The following ARHGAP21 variants were observed in gnomAD, a reference collection of about 807,000 sequenced individuals.
ARHGAP21 encodes Rho GTPase activating protein 21.
A neutral mutation model predicts 164.6 loss-of-function variants in ARHGAP21; 38 were observed. The ratio of observed to expected loss-of-function variants is 0.23; its 90% CI spans 0.18 to 0.30. The LOEUF (loss-of-function observed/expected upper bound fraction) is 0.30, where lower values mean the gene tolerates loss of function less well. Among genes scored for constraint, ARHGAP21 ranks in the 10% least tolerant of loss-of-function variants. ARHGAP21 has a pLI of 1.00. For missense variants in ARHGAP21, 1,822 were observed against 2,370.7 expected (o/e 0.77, Z 4.81); for synonymous variants, 766 against 857.9 (o/e 0.89, Z 1.87).
At chr10:24,664,428 G>T (rs1489357943) in intron 4 of ARHGAP21, among the ~76,000 whole-genome samples, 2 of 151,700 alleles carry the variant, frequency 1.3e-5, no homozygotes, top group Non-Finnish European at 2.9e-5. Flanking sequence ...GGTGGCGTGC[G>T]CTTTTAGTCC....
intron 6 of ARHGAP21, among the ~76,000 whole-genome samples, chr10:24,631,074 G>C (rs944889211): frequency 4.6e-5 from 7 of 152,168 alleles, no homozygotes; most frequent in African/African-American, 1.7e-4. Flanking sequence ...CTGTGATCTG[G>C]AGGTACATAC....
rs775577663 is a variant in ARHGAP21, at chr10:24,630,080, G to A, written c.441-30C>T. 6 of 1,277,340 alleles carry A rather than the reference G, an allele frequency of 4.7e-6. No individual in the cohort carries two copies. The East Asian group carries it at 9.7e-5, about 21-fold the overall frequency. 79.1% of individuals were successfully genotyped at this position (1,277,340 alleles called of 1,614,324 possible). On this transcript the variant is annotated intron_variant, in intron 6 of 25. Coordinates refer to ENST00000396432, the MANE Select transcript of ARHGAP21 (RefSeq NM_020824.4). ...AATTGAATTATATACTATTTTAGGA[G>A]AGGTAGAAGTGTATAAAAAAAGACT...
chr10:24,711,967 G>A (rs969729689), intron 2 of ARHGAP21, among the ~76,000 whole-genome samples: 3 of 151,962 alleles, frequency 2.0e-5, no homozygotes, highest in Non-Finnish European at 4.4e-5. Flanking sequence ...AGTCTGGAGT[G>A]CAGTGGCTCC....
At chr10:24,707,357 T>C (rs567309896) in intron 2 of ARHGAP21, among the ~76,000 whole-genome samples, 1 of 152,320 alleles carries the variant, frequency 6.6e-6, no homozygotes, top group Admixed American at 6.5e-5. Flanking sequence ...ATCTAATAAA[T>C]GATTAATAGT....
chr10:24,608,494 A>G (rs1156501826), intron 9 of ARHGAP21, among the ~76,000 whole-genome samples: 5 of 152,228 alleles, frequency 3.3e-5, no homozygotes, highest in Non-Finnish European at 7.4e-5. Flanking sequence ...GAGGCCAAGA[A>G]ATGTAATTCA....
At chr10:24,658,529 G>C (rs1383928071) in intron 4 of ARHGAP21, among the ~76,000 whole-genome samples, 1 of 152,188 alleles carries the variant, frequency 6.6e-6, no homozygotes, top group Non-Finnish European at 1.5e-5. Flanking sequence ...GTCCTTTGTA[G>C]AGACGTCGAT....
intron 4 of ARHGAP21, among the ~76,000 whole-genome samples, chr10:24,649,825 A>T (rs1048673425): frequency 5.3e-5 from 8 of 152,150 alleles, no homozygotes; most frequent in Admixed American, 2.0e-4. Context: ...CCAGGCACAG[A>T]TTATAAAAAA....
At chr10:24,684,270 G>C (rs1842027703) in intron 2 of ARHGAP21, among the ~76,000 whole-genome samples, 1 of 151,458 alleles carries the variant, frequency 6.6e-6, no homozygotes, top group South Asian at 2.1e-4. Context: ...CTTGGTTACA[G>C]AATGACACCC....
At chr10:24,605,786 G>T (rs867220657) in intron 11 of ARHGAP21, 20 of 151,068 alleles carry the variant, frequency 1.3e-4, no homozygotes, top group Non-Finnish European at 2.5e-4. Flanking sequence ...TGATTTTAAG[G>T]TTCAAATACT....
chr10:24,632,896 A>C (rs373788554), intron 6 of ARHGAP21, among the ~76,000 whole-genome samples: 85 of 152,328 alleles, frequency 5.6e-4, no homozygotes, highest in African/African-American at 2.0e-3. Flanking sequence ...GTCACTCTAT[A>C]AATATGTATC....
rs541975942 is a variant in ARHGAP21, at chr10:24,619,759, C to T, written c.2136G>A (p.Arg712=). The change falls in exon 9 of 26, where the codon AGG becomes AGA. Residue 712 remains arginine, a synonymous_variant. Transcript: ENST00000396432. ...TSDLELPVSQ[R]NQDLSLQEAE... ...CCTCTTGTAAACTTAAATCTTGATT[C>T]CTTTGACTGACAGGTAGTTCTAAAT... 21 of 1,614,058 alleles carry T rather than the reference C, an allele frequency of 1.3e-5. No homozygotes were observed. In the African/African-American group the frequency reaches 2.1e-4, roughly 16 times the overall value.
At chr10:24,694,071 T>C (rs1185219819) in intron 2 of ARHGAP21, among the ~76,000 whole-genome samples, 1 of 152,138 alleles carries the variant, frequency 6.6e-6, no homozygotes, top group Non-Finnish European at 1.5e-5. Flanking sequence ...CACAAGTATA[T>C]ATTGTAACAC....
intron 4 of ARHGAP21, among the ~76,000 whole-genome samples, chr10:24,646,619 G>GA (rs1021101810): frequency 6.6e-6 from 1 of 151,856 alleles, no homozygotes; most frequent in South Asian, 2.1e-4. Flanking sequence ...ATTTAAGGGG[G>GA]AAAAAAATGG....
intron 21 of ARHGAP21, 144 bp from the exon 22 acceptor site, chr10:24,592,156 ATTTT>A (rs57846258): frequency 0.018 from 3,917 of 212,220 alleles, no homozygotes; most frequent in South Asian, 0.025. Context: ...TTCTAGCAAG[ATTTT>A]TTTTTTTTTT....
chr10:24,589,208 C>T, intron 25 of ARHGAP21, 63 bp downstream of exon 25: 2 of 1,419,692 alleles, frequency 1.4e-6, no homozygotes, highest in Non-Finnish European at 2.0e-6. Flanking sequence ...GTGTATCAAC[C>T]ATAACAATCA....
chr10:24,590,126 T>C (rs2076271053), intron 24 of ARHGAP21: 1 of 1,247,928 alleles, frequency 8.0e-7, no homozygotes, highest in Non-Finnish European at 1.0e-6. Context: ...GTTTTCAGAA[T>C]TAATGAGCTG....
intron 9 of ARHGAP21, among the ~76,000 whole-genome samples, chr10:24,615,791 G>C (rs764359054): frequency 6.6e-5 from 10 of 152,012 alleles, no homozygotes; most frequent in Non-Finnish European, 1.0e-4. Flanking sequence ...TTTATTTTTT[G>C]AGTGGAGTCT....
intron 2 of ARHGAP21, among the ~76,000 whole-genome samples, chr10:24,677,259 G>C (rs1446045163): frequency 6.6e-6 from 1 of 152,098 alleles, no homozygotes; most frequent in East Asian, 1.9e-4. Context: ...TTCTCTGCAA[G>C]CTCCATTGTC....
chr10:24,620,931 A>G lies in ARHGAP21; in HGVS notation c.964T>C (p.Leu322=), dbSNP rs1181969195. 7.4e-6 allele frequency: 12 copies of G among 1,613,816 alleles called. No individual in the cohort carries two copies. Among genetic ancestry groups the G allele is most frequent in the Non-Finnish European group, 9.3e-6 (11 of 1,179,872 alleles). ...KTVSRTTSPP[L]SIPTTHLIHQ... is the part of the protein sequence containing the mutation. Reference sequence around the variant, plus strand: ...ATTAGATGAGTGGTGGGAATTGATAATGGTGGTGATGTGGTTCTTGACACT... The same window carrying G: ...ATTAGATGAGTGGTGGGAATTGATAGTGGTGGTGATGTGGTTCTTGACACT... The change falls in exon 9 of 26, where the codon TTA becomes CTA. Residue 322 remains leucine, a synonymous_variant. Coordinates refer to ENST00000396432, the MANE Select transcript of ARHGAP21 (RefSeq NM_020824.4).
Sources: allele counts gnomAD v4.1 joint callset (sites outside exome capture counted in the v4.1 genomes callset), GRCh38; gene constraint gnomAD v4.1.1; transcripts MANE v1.5; gene names NCBI Gene and HGNC (gene_info 2026-07-23, HGNC 2026-07-21).